Variants in PCDHA7 observed in about 807,000 individuals in gnomAD.
The protein encoded by PCDHA7 is protocadherin alpha 7.
A neutral mutation model predicts 57.2 loss-of-function variants in PCDHA7; 37 were observed. That is an observed-to-expected ratio of 0.65 (90% CI 0.50 to 0.85). The LOEUF (loss-of-function observed/expected upper bound fraction) is 0.85, where lower values mean the gene tolerates loss of function less well. Ranked by LOEUF, PCDHA7 falls within the 40% of genes least tolerant of loss-of-function variation. The pLI is 0.00. For missense variants in PCDHA7, 1,188 were observed against 1,241.8 expected, an observed-to-expected ratio of 0.96 and a Z score of 0.65; for synonymous variants, 553 against 558.8, an observed-to-expected ratio of 0.99 and a Z score of 0.15.
At chr5:140,927,598 T>G (rs2084398863) in intron 1 of PCDHA7, 1 of 1,614,046 alleles carries the variant, frequency 6.2e-7, no homozygotes, top group African/African-American at 1.3e-5. Flanking sequence ...ATTTGAGCGC[T>G]CCGTATACCG....
At chr5:140,853,663 T>C (rs1278843204) in intron 1 of PCDHA7, 2 of 988,324 alleles carry the variant, frequency 2.0e-6, no homozygotes, top group South Asian at 4.7e-5. Context: ...CCAGACAAAT[T>C]GGGGCCTATG....
At chr5:140,863,065 G>C (rs2047759481) in intron 1 of PCDHA7, 1 of 566,972 alleles carries the variant, frequency 1.8e-6, no homozygotes, top group Non-Finnish European at 3.5e-6. Flanking sequence ...GTTCCACGTG[G>C]GGCTCTGCAC....
chr5:140,895,841 C>T (rs1389575745), intron 1 of PCDHA7, among the ~76,000 whole-genome samples: 1 of 152,092 alleles, frequency 6.6e-6, no homozygotes, highest in Admixed American at 6.6e-5. Flanking sequence ...GACAAAGTCT[C>T]ACTCTTGTAC....
chr5:140,867,681 A>T (rs759356211), intron 1 of PCDHA7: 1 of 152,096 alleles, frequency 6.6e-6, no homozygotes, highest in African/African-American at 2.4e-5. Context: ...ATTTTGTTGC[A>T]TCTTCTTTTT....
intron 1 of PCDHA7, chr5:140,967,716 T>C: frequency 1.2e-6 from 2 of 1,613,914 alleles, no homozygotes; most frequent in Non-Finnish European, 1.7e-6. Context: ...ACCGGGGAAG[T>C]GCGAGTAATT....
At chr5:140,968,817 T>C in intron 1 of PCDHA7, 2 of 1,614,110 alleles carry the variant, frequency 1.2e-6, no homozygotes, top group Middle Eastern at 3.3e-4. Flanking sequence ...GTGGATAGGG[T>C]TTCCAAAATC....
In PCDHA7 at chr5:140,876,715, C is replaced by G. The variant is rs570565884; in HGVS notation, c.2355+39977C>G. 3.1e-5 allele frequency: 50 copies of G among 1,614,234 alleles called. No homozygotes were observed. The highest frequency in any genetic ancestry group is 3.3e-4 in the Middle Eastern group (2 of 6,062). On this transcript the variant is annotated intron_variant, in intron 1 of 3. Coordinates refer to ENST00000525929, the MANE Select transcript of PCDHA7 (RefSeq NM_018910.3). ...GTTGGTGCTGGACAGCGCCCTGGAC[C>G]GCGAGAGCGTGTCGGCCTATGAGCT...
chr5:140,964,918 G>A (rs563180752), intron 1 of PCDHA7, among the ~76,000 whole-genome samples: 59 of 152,308 alleles, frequency 3.9e-4, no homozygotes, highest in Admixed American at 3.4e-3. Context: ...GAATAACACT[G>A]GCTAGGTAGT....
At chr5:140,925,114 G>T (rs1341892158) in intron 1 of PCDHA7, among the ~76,000 whole-genome samples, 2 of 151,122 alleles carry the variant, frequency 1.3e-5, no homozygotes, top group East Asian at 3.9e-4. Context: ...AGGAGGGAAG[G>T]AAGGAAGGAA....
At chr5:140,919,014 A>G (rs1008657889) in intron 1 of PCDHA7, among the ~76,000 whole-genome samples, 1 of 152,184 alleles carries the variant, frequency 6.6e-6, no homozygotes, top group Non-Finnish European at 1.5e-5. Context: ...TTCATTTCCT[A>G]GTGATCTTCT....
intron 1 of PCDHA7, chr5:140,841,804 T>C (rs2150322982): frequency 1.2e-6 from 2 of 1,613,912 alleles, no homozygotes; most frequent in Non-Finnish European, 1.7e-6. Context: ...CCGATGCAGA[T>C]GTTGGAGCTA....
intron 3 of PCDHA7, among the ~76,000 whole-genome samples, chr5:141,008,031 T>C (rs566619568): frequency 1.3e-5 from 2 of 152,336 alleles, no homozygotes; most frequent in Admixed American, 6.5e-5. Flanking sequence ...TTCTTGTTAA[T>C]CTGCCTTTTG....
intron 3 of PCDHA7, among the ~76,000 whole-genome samples, chr5:140,991,573 G>C (rs1406319253): frequency 2.0e-5 from 3 of 152,036 alleles, no homozygotes; most frequent in Non-Finnish European, 4.4e-5. Context: ...CCAATAACAG[G>C]CTCCTTATTT....
At chr5:140,948,527 A>G (rs902965857) in intron 1 of PCDHA7, among the ~76,000 whole-genome samples, 7 of 151,560 alleles carry the variant, frequency 4.6e-5, no homozygotes, top group Non-Finnish European at 8.9e-5. Context: ...CACTATTTAT[A>G]TTTTATTTCA....
rs1554148266 is a variant in PCDHA7 at position 140,856,152 on chromosome 5, A to C, written c.2355+19414A>C. On this transcript the variant is annotated intron_variant, in intron 1 of 3. Coordinates refer to ENST00000525929, the MANE Select transcript of PCDHA7 (RefSeq NM_018910.3). ...AGCGGCCAGCTCCACTACTCAGTCT[A>C]CGAGGAGGCCAGACACGGCACCTTC... The C allele has an allele frequency of 6.3e-6, 10 of 1,598,178 alleles. 1 individual carries two copies. Among genetic ancestry groups the C allele is most frequent in the Middle Eastern group, 1.7e-4 (1 of 5,990 alleles).
intron 1 of PCDHA7, among the ~76,000 whole-genome samples, chr5:140,923,753 TG>T (rs1217230498): frequency 6.6e-6 from 1 of 152,174 alleles, no homozygotes; most frequent in Non-Finnish European, 1.5e-5. Context: ...AGGCATATGG[TG>T]GGACAAATCC....
intron 1 of PCDHA7, chr5:140,926,257 C>T (rs888723043): frequency 5.2e-5 from 8 of 152,418 alleles, no homozygotes; most frequent in African/African-American, 1.4e-4. Context: ...ACCGTCCCGC[C>T]TCTCGCCGCC....
At chr5:140,951,597 C>T (rs1445745403) in intron 1 of PCDHA7, among the ~76,000 whole-genome samples, 1 of 152,098 alleles carries the variant, frequency 6.6e-6, no homozygotes, top group East Asian at 1.9e-4. Flanking sequence ...ATCTCTCTCA[C>T]TGTTATGAGA....
rs1554262437 is a variant in PCDHA7, at chr5:141,009,799, C to T, written c.2676C>T (p.Asn892=). 1 of 1,614,104 alleles carries T rather than the reference C, an allele frequency of 6.2e-7. No individual in the cohort carries two copies. Residue 892 remains asparagine (N), a synonymous_variant, in exon 4 of 4, where the codon AAC becomes AAT. Coordinates refer to ENST00000525929, the MANE Select transcript of PCDHA7 (RefSeq NM_018910.3). ...AIISIRQEPT[N]SQIDKSDFIT... is the part of the protein sequence containing the mutation. ...TCTCCATCCGGCAGGAGCCTACTAACAGCCAAATTGACAAAAGTGACTTCA... is the reference window on the plus strand; with the variant it reads ...TCTCCATCCGGCAGGAGCCTACTAATAGCCAAATTGACAAAAGTGACTTCA...
Sources: allele counts gnomAD v4.1 joint callset (sites outside exome capture counted in the v4.1 genomes callset), GRCh38; gene constraint gnomAD v4.1.1; transcripts MANE v1.5; gene names NCBI Gene and HGNC (gene_info 2026-07-23, HGNC 2026-07-21).